VWA2: variants seen among roughly 807,000 people sequenced by gnomAD.
VWA2 encodes the protein von Willebrand factor A domain containing 2.
In VWA2, 73 loss-of-function variants were observed where a neutral mutation model predicts 70.4. The observed-to-expected ratio is 1.04, with a 90% CI of 0.86 to 1.26. VWA2 has a LOEUF of 1.26. Ranked by LOEUF, VWA2 falls within the 50% of genes most tolerant of loss-of-function variation. VWA2 has a pLI of 0.00. For missense variants in VWA2, 1,011 were observed against 998.5 expected (o/e 1.01, Z -0.17); for synonymous variants, 407 against 423.3 (o/e 0.96, Z 0.47).
In VWA2 at chr10:114,293,148, G is replaced by A. The variant is rs1466352153; in HGVS notation, c.*1911G>A. ...AAGATTTTAGATATTAAAAAGTCTG[G>A]TGTACCAGACATTGAGTCATAATCA... On this transcript the variant is annotated 3_prime_UTR_variant, in exon 14 of 14. Transcript: ENST00000392982. Among the ~76,000 whole-genome samples the A allele has an allele frequency of 6.6e-6, 1 of 152,182 alleles. No individual in the cohort carries two copies. The highest frequency in any genetic ancestry group is 1.5e-5 in the Non-Finnish European group (1 of 68,028).
Position 114,291,336 on chromosome 10 carries a change from TGTGCCCCAG to T in VWA2, c.*102_*110del. ...AATGGTGCCTACCTTCTGGAATGTC[TGTGCCCCAG>T]GTCCTTAGAATGTCTGCTTCCCGCC... is the stretch of plus-strand genomic sequence containing the variant. On this transcript the variant is annotated 3_prime_UTR_variant, in exon 14 of 14. Coordinates refer to ENST00000392982, the MANE Select transcript of VWA2 (RefSeq NM_001272046.2). 7.2e-7 allele frequency: 1 copy of T among 1,385,784 alleles called. No homozygotes were observed. The highest frequency in any genetic ancestry group is 1.4e-5 in the African/African-American group (1 of 68,986). The allele number at this position is 1,385,784 out of a possible 1,614,324, so 85.8% of individuals were successfully genotyped here.
chr10:114,264,669 T>A (rs113310905), intron 5 of VWA2, among the ~76,000 whole-genome samples: 27 of 152,248 alleles, frequency 1.8e-4, no homozygotes, highest in Admixed American at 1.2e-3. Context: ...TCTGCCTGCC[T>A]TGGCCTCCCA....
At chr10:114,241,344 C>T (rs1358896967) in intron 1 of VWA2, among the ~76,000 whole-genome samples, 2 of 152,178 alleles carry the variant, frequency 1.3e-5, no homozygotes, top group Non-Finnish European at 2.9e-5. Flanking sequence ...AGTTTCACTA[C>T]CGTAAAAATC....
Position 114,246,634 on chromosome 10 carries a change from G to T in VWA2, c.-10-2070G>T. On this transcript the variant is annotated intron_variant, in intron 1 of 13. Transcript: ENST00000392982. The stretch of plus-strand genomic sequence containing the variant: ...CAGCCAGAGGCCAATGCTCAGAGAA[G>T]TACTTGAACACCCCTGGATCACAGC... 16 of 1,522,962 alleles carry T rather than the reference G, an allele frequency of 1.1e-5. No individual in the cohort carries two copies. In the South Asian group the frequency reaches 1.7e-4, roughly 16 times the overall value. The allele number at this position is 1,522,962 out of a possible 1,614,324, so 94.3% of individuals were successfully genotyped here.
rs144181050 is a variant in VWA2 at position 114,289,393 on chromosome 10, C to T, written c.2026C>T (p.Arg676Trp). The T allele has an allele frequency of 1.8e-4, 285 of 1,614,208 alleles. No individual in the cohort carries two copies. Among genetic ancestry groups the T allele is most frequent in the Non-Finnish European group, 2.1e-4 (251 of 1,180,038 alleles). ...GGGGCCTGTCCTAAGTGAGGGTCTG[C>T]GGAGGCTTGCAGGTCCCCGGGATTC... The part of the protein sequence containing the change: ...GVGPVLSEGL[R>W]RLAGPRDSLI... The change falls in exon 12 of 14, where the codon CGG (arginine) becomes TGG (tryptophan). Residue 676 changes from arginine to tryptophan, a missense_variant. Physicochemically the swap from Arg to Trp is moderately radical, Grantham distance 101. Coordinates refer to ENST00000392982, the MANE Select transcript of VWA2 (RefSeq NM_001272046.2).
chr10:114,284,784 C>A, intron 9 of VWA2, 79 bp from the exon 10 acceptor site: 2 of 1,376,786 alleles, frequency 1.5e-6, no homozygotes, highest in Non-Finnish European at 2.0e-6. Flanking sequence ...AGGAAGCCAG[C>A]TGCACCCACA....
chr10:114,261,380 G>A, intron 5 of VWA2, 85 bp downstream of exon 5: 1 of 1,091,092 alleles, frequency 9.2e-7, no homozygotes, highest in South Asian at 1.4e-5. Flanking sequence ...TCCTGCTCTG[G>A]GCTCACAGAG....
intron 4 of VWA2, among the ~76,000 whole-genome samples, chr10:114,257,900 G>GA (rs1287381528): frequency 1.3e-5 from 2 of 152,216 alleles, no homozygotes; most frequent in Non-Finnish European, 2.9e-5. Flanking sequence ...CAGAGGCCTG[G>GA]AAACCTCTAT....
intron 1 of VWA2, among the ~76,000 whole-genome samples, chr10:114,247,944 A>G (rs1386260412): frequency 6.6e-6 from 1 of 151,928 alleles, no homozygotes; most frequent in Non-Finnish European, 1.5e-5. Context: ...AAACTTCTCA[A>G]AAAATAATTT....
chr10:114,253,472 G>A (rs76605196), intron 2 of VWA2, among the ~76,000 whole-genome samples, 179 bp from the exon 3 acceptor site: 1 of 148,502 alleles, frequency 6.7e-6, no homozygotes, highest in South Asian at 2.2e-4. Context: ...ATAGAAGTGA[G>A]GTAATTGGGG....
intron 5 of VWA2, among the ~76,000 whole-genome samples, chr10:114,266,121 C>A (rs575194033): frequency 6.6e-6 from 1 of 152,186 alleles, no homozygotes; most frequent in East Asian, 1.9e-4. Flanking sequence ...AACGGTGAAA[C>A]CCCATCTCTA....
At chr10:114,285,564 G>A (rs1000144058) in intron 10 of VWA2, among the ~76,000 whole-genome samples, 5 of 152,310 alleles carry the variant, frequency 3.3e-5, no homozygotes, top group East Asian at 1.9e-4. Flanking sequence ...CAATTCTAGC[G>A]TGGCTATAGA....
chr10:114,257,644 C>G (rs549380161), intron 4 of VWA2, among the ~76,000 whole-genome samples: 3 of 152,136 alleles, frequency 2.0e-5, no homozygotes, highest in Non-Finnish European at 4.4e-5. Flanking sequence ...GAATTCACAC[C>G]CTGCTATCAC....
At chr10:114,253,978 G>T (rs531012497) in intron 3 of VWA2, among the ~76,000 whole-genome samples, 3 of 151,938 alleles carry the variant, frequency 2.0e-5, no homozygotes, top group African/African-American at 7.2e-5. Context: ...GGAGGTGGAG[G>T]TTGCAGTGAG....
intron 5 of VWA2, among the ~76,000 whole-genome samples, chr10:114,266,967 T>G (rs1216138339): frequency 1.3e-5 from 2 of 152,252 alleles, no homozygotes; most frequent in Non-Finnish European, 2.9e-5. Flanking sequence ...TGTTGATTGT[T>G]TTTAATGATT....
At position 114,286,303 on chromosome 10, in the gene VWA2, G is replaced by A. The variant is rs1419576412; in HGVS notation, c.1362G>A (p.Glu454=). 1 of 1,611,012 alleles carries A rather than the reference G, an allele frequency of 6.2e-7. No homozygotes were observed. ...GTAGAGTGGTGGTTTTGCTCACTGA[G>A]TCACACTCCGAGGATGAGGTTGCGG... The part of the protein sequence containing the change: ...RPRRVVVLLT[E]SHSEDEVAGP... The change falls in exon 11 of 14, where the codon GAG becomes GAA. Residue 454 remains glutamate, a synonymous_variant. Transcript: ENST00000392982.
At chr10:114,243,094 G>T (rs1431993683) in intron 1 of VWA2, among the ~76,000 whole-genome samples, 2 of 152,160 alleles carry the variant, frequency 1.3e-5, no homozygotes, top group East Asian at 3.9e-4. Context: ...GTGAAATCGG[G>T]TTGTGTACAA....
chr10:114,272,117 G>T (rs1295361046), intron 5 of VWA2, among the ~76,000 whole-genome samples: 2 of 152,216 alleles, frequency 1.3e-5, no homozygotes, highest in Non-Finnish European at 2.9e-5. Flanking sequence ...GAGCTGTGAG[G>T]ATGAGAGGAT....
Position 114,285,996 on chromosome 10 carries a change from C to T in VWA2, c.1055C>T (p.Ala352Val), listed in dbSNP as rs148999604. Residue 352 changes from alanine (A) to valine (V), a missense_variant, in exon 11 of 14, where the codon GCG (alanine) becomes GTG (valine). Coordinates refer to ENST00000392982, the MANE Select transcript of VWA2 (RefSeq NM_001272046.2). The part of the protein sequence containing the change: ...VDLLFLLDSS[A>V]GTTLDGFLRA... Reference sequence around the variant, plus strand: ...CTCCTCTTCCTGCTGGACAGCTCTGCGGGCACCACTCTGGACGGCTTCCTG... The same window carrying T: ...CTCCTCTTCCTGCTGGACAGCTCTGTGGGCACCACTCTGGACGGCTTCCTG... 58 of 1,613,598 alleles carry T rather than the reference C, an allele frequency of 3.6e-5. No homozygotes were observed. The African/African-American group carries it at 4.0e-4, about 11-fold the overall frequency.
Sources: allele counts gnomAD v4.1 joint callset (sites outside exome capture counted in the v4.1 genomes callset), GRCh38; gene constraint gnomAD v4.1.1; transcripts MANE v1.5; gene names NCBI Gene and HGNC (gene_info 2026-07-23, HGNC 2026-07-21).